RGS9: variants seen among roughly 807,000 people sequenced by gnomAD.
RGS9 encodes the protein regulator of G-protein signalling 9.
A neutral mutation model predicts 102.0 loss-of-function variants in RGS9; 78 were observed. The ratio of observed to expected loss-of-function variants is 0.76; its 90% CI spans 0.64 to 0.92. The LOEUF is 0.92. Among genes scored for constraint, RGS9 ranks in the 40% least tolerant of loss-of-function variants. The pLI is 0.00. For missense variants in RGS9, 833 were observed against 866.1 expected (o/e 0.96, Z 0.48); for synonymous variants, 353 against 318.6 (o/e 1.11, Z -1.15).
At chr17:65,171,309 C>T (rs1026468968) in intron 8 of RGS9, among the ~76,000 whole-genome samples, 3 of 152,166 alleles carry the variant, frequency 2.0e-5, no homozygotes, top group Admixed American at 6.5e-5. Flanking sequence ...GCTCTTGGCA[C>T]AGATGACCTC....
chr17:65,213,847 A>G lies in RGS9; in HGVS notation c.1407+3242A>G, dbSNP rs539807023. Among the ~76,000 whole-genome samples, 343 of 152,348 alleles carry G rather than the reference A, an allele frequency of 2.3e-3. 1 individual carries two copies. The highest frequency in any genetic ancestry group is 8.0e-3 in the African/African-American group (333 of 41,576). The stretch of plus-strand genomic sequence containing the variant: ...TAAACAAAGCAGATGAGCATTCTTT[A>G]TTAAATGAATGAGGACATGAGCGTC... On this transcript the variant is annotated intron_variant, in intron 17 of 18. Transcript: ENST00000262406.
chr17:65,218,658 C>T (rs538403321), intron 17 of RGS9, among the ~76,000 whole-genome samples: 84 of 152,310 alleles, frequency 5.5e-4, no homozygotes, highest in African/African-American at 1.9e-3. Context: ...TCTCTTTCCT[C>T]CCCCTTTCTT....
chr17:65,139,778 C>T (rs1009198156), intron 1 of RGS9, among the ~76,000 whole-genome samples: 5 of 152,230 alleles, frequency 3.3e-5, no homozygotes, highest in African/African-American at 1.2e-4. Flanking sequence ...CTGGCAAGGG[C>T]CCTGTCTATG....
At chr17:65,215,869 C>G (rs1014674607) in intron 17 of RGS9, among the ~76,000 whole-genome samples, 2 of 152,056 alleles carry the variant, frequency 1.3e-5, no homozygotes, top group African/African-American at 4.8e-5. Context: ...CCTTGGAGCT[C>G]TTATGTACCA....
intron 17 of RGS9, among the ~76,000 whole-genome samples, chr17:65,222,385 T>G (rs1023530452): frequency 2.6e-5 from 4 of 152,202 alleles, no homozygotes; most frequent in African/African-American, 9.6e-5. Context: ...ATAGCCTGAC[T>G]GGGAGTGACT....
intron 1 of RGS9, among the ~76,000 whole-genome samples, chr17:65,152,919 GTTC>G (rs1910634472): frequency 6.6e-6 from 1 of 152,152 alleles, no homozygotes; most frequent in Non-Finnish European, 1.5e-5. Context: ...ACACTTCAGT[GTTC>G]TTCTCTCTGT....
At chr17:65,210,653 T>C (rs1242107102) in intron 17 of RGS9, 48 bp downstream of exon 17, 7 of 1,609,670 alleles carry the variant, frequency 4.3e-6, no homozygotes, top group Non-Finnish European at 5.9e-6. Context: ...AAGAGCTGCC[T>C]CCTAAATAAA....
At chr17:65,156,033 C>CT (rs543178510) in intron 2 of RGS9, among the ~76,000 whole-genome samples, 32 of 150,734 alleles carry the variant, frequency 2.1e-4, no homozygotes, top group African/African-American at 7.6e-4. Context: ...TTTACTTATA[C>CT]TTTTTTTTGA....
chr17:65,154,459 C>T (rs922677264), intron 2 of RGS9, among the ~76,000 whole-genome samples: 1 of 152,186 alleles, frequency 6.6e-6, no homozygotes, highest in Admixed American at 6.5e-5. Flanking sequence ...ATTTTAGAAA[C>T]CTTCACTGTC....
chr17:65,171,212 C>A (rs531692068), intron 8 of RGS9, among the ~76,000 whole-genome samples: 3 of 152,128 alleles, frequency 2.0e-5, no homozygotes, highest in Non-Finnish European at 2.9e-5. Flanking sequence ...CTTCGTTGAG[C>A]CTTGACTTTG....
At chr17:65,153,753 G>T (rs776882436) in intron 2 of RGS9, among the ~76,000 whole-genome samples, 1 of 152,148 alleles carries the variant, frequency 6.6e-6, no homozygotes, top group Non-Finnish European at 1.5e-5. Context: ...AGCTGGGCAT[G>T]GTGGCAGGTG....
intron 7 of RGS9, 32 bp downstream of exon 7, chr17:65,163,121 G>A (rs765407248): frequency 1.1e-5 from 12 of 1,132,752 alleles, no homozygotes; most frequent in Admixed American, 5.4e-5. Flanking sequence ...TTGTCCTCTC[G>A]GTGTCTTTCC....
Position 65,137,607 on chromosome 17 carries a change from G to A in RGS9, c.57+10G>A, listed in dbSNP as rs941995244. On this transcript the variant is annotated intron_variant, in intron 1 of 18. Coordinates refer to ENST00000262406, the MANE Select transcript of RGS9 (RefSeq NM_003835.4). ...GGCATTTCTCCAAAAGGTAACCCTGGCCCCTCACCTGGACCCTGGGAGGAG... is the reference window on the plus strand; with the variant it reads ...GGCATTTCTCCAAAAGGTAACCCTGACCCCTCACCTGGACCCTGGGAGGAG... 1.2e-6 allele frequency: 2 copies of A among 1,613,498 alleles called. No homozygotes were observed. Among genetic ancestry groups the A allele is most frequent in the Non-Finnish European group, 1.7e-6 (2 of 1,179,886 alleles).
Position 65,180,656 on chromosome 17 carries a change from CCTT to C in RGS9, c.654+2857_654+2859del, listed in dbSNP as rs573898556. On this transcript the variant is annotated intron_variant, in intron 9 of 18. Coordinates refer to ENST00000262406, the MANE Select transcript of RGS9 (RefSeq NM_003835.4). ...TGAACCACTGCGCCTGGCTATCAAT[CCTT>C]CTTTTTAAACTTTTATTTTAGGTTC... Among the ~76,000 whole-genome samples the C allele has an allele frequency of 3.5e-3, 527 of 152,270 alleles. 2 individuals carry two copies. The highest frequency in any genetic ancestry group is 0.024 in the Middle Eastern group (7 of 294).
chr17:65,210,853 A>G (rs533346906), intron 17 of RGS9, among the ~76,000 whole-genome samples: 22 of 152,166 alleles, frequency 1.4e-4, no homozygotes, highest in African/African-American at 5.1e-4. Context: ...CCCACTCATC[A>G]GGGGACAGGG....
At chr17:65,197,277 T>A in intron 13 of RGS9, 36 bp downstream of exon 13, 1 of 1,376,994 alleles carries the variant, frequency 7.3e-7, no homozygotes, top group Non-Finnish European at 1.0e-6. Flanking sequence ...TTAAAATAAC[T>A]TACTTTTAGA....
chr17:65,141,806 C>G (rs976839216), intron 1 of RGS9, among the ~76,000 whole-genome samples: 1 of 152,058 alleles, frequency 6.6e-6, no homozygotes, highest in Non-Finnish European at 1.5e-5. Flanking sequence ...TAGTTTTTGG[C>G]CAGGAGGTTG....
At chr17:65,169,408 G>A (rs1010221907) in intron 8 of RGS9, among the ~76,000 whole-genome samples, 1 of 152,164 alleles carries the variant, frequency 6.6e-6, no homozygotes, top group African/African-American at 2.4e-5. Context: ...AGAGCACAGG[G>A]TCCCAGAGAT....
chr17:65,209,510 G>A (rs1913205196), intron 16 of RGS9, among the ~76,000 whole-genome samples: 1 of 152,190 alleles, frequency 6.6e-6, no homozygotes. Flanking sequence ...GGCCCTCAAA[G>A]GCAGGTGGGC....
Sources: gnomAD v4.1 joint callset for allele counts (sites outside exome capture counted in the v4.1 genomes callset) on GRCh38, gnomAD v4.1.1 for gene constraint, MANE v1.5 for transcripts, NCBI Gene and HGNC (gene_info 2026-07-23, HGNC 2026-07-21) for gene names.